Variants in MSRA observed in about 807,000 individuals in gnomAD.
MSRA encodes the protein mitochondrial peptide methionine sulfoxide reductase.
A neutral mutation model predicts 31.3 loss-of-function variants in MSRA; 54 were observed. That is an observed-to-expected ratio of 1.73 (90% CI 1.39 to 2.17). MSRA has a LOEUF of 2.17. MSRA is among the 30% of genes most tolerant of loss of function. MSRA has a pLI of 0.00. For synonymous variants in MSRA, 169 were observed against 116.5 expected, an observed-to-expected ratio of 1.45 and a Z score of -2.90; for missense variants, 507 against 300.9, an observed-to-expected ratio of 1.69 and a Z score of -5.07.
intron 5 of MSRA, among the ~76,000 whole-genome samples, chr8:10,330,768 A>G (rs1354970188): frequency 3.3e-5 from 5 of 151,870 alleles, no homozygotes; most frequent in Non-Finnish European, 7.4e-5. Context: ...TGTGCTTGGT[A>G]CCTAGTGATT....
intron 5 of MSRA, among the ~76,000 whole-genome samples, chr8:10,363,529 G>A (rs1474744955): frequency 1.3e-5 from 2 of 152,098 alleles, no homozygotes; most frequent in East Asian, 1.9e-4. Flanking sequence ...GTAGCATGAC[G>A]ATGTATATTC....
Position 10,266,401 on chromosome 8 carries a change from C to G in MSRA, c.331+21178C>G, listed in dbSNP as rs1014446607. 1.6e-4 allele frequency among the ~76,000 whole-genome samples: 25 copies of G among 152,260 alleles called. No homozygotes were observed. In the East Asian group the frequency reaches 4.8e-3, roughly 29 times the overall value. ...CATGTGTATGTCTTTCATAAATTGT[C>G]TGTTCAAATCTCTTATGTATGCTTT... On this transcript the variant is annotated intron_variant, in intron 3 of 5. Coordinates refer to ENST00000317173, the MANE Select transcript of MSRA (RefSeq NM_012331.5).
intron 1 of MSRA, among the ~76,000 whole-genome samples, chr8:10,069,385 G>T (rs1258498436): frequency 6.6e-6 from 1 of 152,176 alleles, no homozygotes; most frequent in Non-Finnish European, 1.5e-5. Flanking sequence ...TATGATATTA[G>T]CTCTGGATTT....
intron 1 of MSRA, among the ~76,000 whole-genome samples, chr8:10,060,305 TG>T (rs1802637099): frequency 6.6e-6 from 1 of 152,130 alleles, no homozygotes; most frequent in African/African-American, 2.4e-5. Flanking sequence ...TCTGTGTGAA[TG>T]GGTATGGAGG....
intron 1 of MSRA, among the ~76,000 whole-genome samples, chr8:10,086,877 GGAGAGA>G (rs1271288749): frequency 6.6e-6 from 1 of 150,380 alleles, no homozygotes; most frequent in Non-Finnish European, 1.5e-5. Flanking sequence ...GGAGGGAGAG[GGAGAGA>G]GAGAGGGAGA....
At chr8:10,146,384 G>C (rs1381851261) in intron 1 of MSRA, among the ~76,000 whole-genome samples, 1 of 152,194 alleles carries the variant, frequency 6.6e-6, no homozygotes, top group East Asian at 1.9e-4. Context: ...GTGAGCAAAA[G>C]CAGGGTGAGG....
At chr8:10,157,221 A>G (rs377127405) in intron 1 of MSRA, among the ~76,000 whole-genome samples, 2 of 152,048 alleles carry the variant, frequency 1.3e-5, no homozygotes, top group South Asian at 2.1e-4. Context: ...TCATGGTAGT[A>G]AAGATCTCGT....
intron 1 of MSRA, among the ~76,000 whole-genome samples, chr8:10,087,987 C>G (rs1798655404): frequency 1.3e-5 from 2 of 152,152 alleles, no homozygotes; most frequent in Admixed American, 1.3e-4. Flanking sequence ...TCAGTTAATG[C>G]AGGGGTGATC....
At chr8:10,405,998 A>C (rs1432283769) in intron 5 of MSRA, among the ~76,000 whole-genome samples, 1 of 152,248 alleles carries the variant, frequency 6.6e-6, no homozygotes, top group Non-Finnish European at 1.5e-5. Flanking sequence ...GCTATTCACC[A>C]TCTGTCCTCC....
intron 1 of MSRA, among the ~76,000 whole-genome samples, chr8:10,181,421 T>C (rs1437048049): frequency 6.8e-6 from 1 of 147,830 alleles, no homozygotes; most frequent in East Asian, 2.0e-4. Flanking sequence ...CCCTAAAACT[T>C]AAAGTATAAT....
At chr8:10,324,885 G>T (rs1802272591) in intron 5 of MSRA, among the ~76,000 whole-genome samples, 1 of 152,242 alleles carries the variant, frequency 6.6e-6, no homozygotes. Context: ...ATCAGTCATA[G>T]GTTGATTCTG....
intron 1 of MSRA, among the ~76,000 whole-genome samples, chr8:10,145,566 G>A (rs937140024): frequency 1.3e-5 from 2 of 152,152 alleles, no homozygotes; most frequent in African/African-American, 2.4e-5. Context: ...CTCCATCCAC[G>A]GGGCGGGTGG....
At chr8:10,333,462 T>C (rs888089454) in intron 5 of MSRA, among the ~76,000 whole-genome samples, 3 of 152,160 alleles carry the variant, frequency 2.0e-5, no homozygotes, top group African/African-American at 7.2e-5. Context: ...CCGCAAGTCT[T>C]TGGGCGGAGA....
At chr8:10,172,184 A>C (rs896145339) in intron 1 of MSRA, among the ~76,000 whole-genome samples, 2 of 152,190 alleles carry the variant, frequency 1.3e-5, no homozygotes, top group African/African-American at 4.8e-5. Flanking sequence ...GGACAAAGGC[A>C]GTGGGATCTG....
At chr8:10,217,464 C>T (rs1376039752) in intron 2 of MSRA, among the ~76,000 whole-genome samples, 1 of 152,198 alleles carries the variant, frequency 6.6e-6, no homozygotes, top group Non-Finnish European at 1.5e-5. Context: ...GACCAGCTGT[C>T]TTCTAGAAGA....
chr8:10,074,342 A>G (rs915030783), intron 1 of MSRA, among the ~76,000 whole-genome samples: 10 of 151,830 alleles, frequency 6.6e-5, no homozygotes, highest in Admixed American at 1.3e-4. Flanking sequence ...TCGGCCTCCC[A>G]AAGTGCTGGG....
intron 5 of MSRA, among the ~76,000 whole-genome samples, chr8:10,395,657 C>T (rs1807051011): frequency 6.6e-6 from 1 of 152,152 alleles, no homozygotes. Flanking sequence ...CATCACTCCT[C>T]TGTTTATAAT....
At chr8:10,067,228 ATAG>A (rs2128915928) in intron 1 of MSRA, among the ~76,000 whole-genome samples, 1 of 152,180 alleles carries the variant, frequency 6.6e-6, no homozygotes, top group Non-Finnish European at 1.5e-5. Flanking sequence ...TATTGTCTCC[ATAG>A]TCTTTGCTTT....
At chr8:10,219,805 C>CAAAAAAAAAAAAAAAAA (rs202000887) in intron 2 of MSRA, among the ~76,000 whole-genome samples, 10 of 46,074 alleles carry the variant, frequency 2.2e-4, no homozygotes, top group African/African-American at 1.5e-3. Context: ...GACTCTGTCT[C>CAAAAAAAAAAAAAAAAA]CAAAAAAAAA....
Sources: gnomAD v4.1 joint callset for allele counts (sites outside exome capture counted in the v4.1 genomes callset) on GRCh38, gnomAD v4.1.1 for gene constraint, MANE v1.5 for transcripts, NCBI Gene and HGNC (gene_info 2026-07-23, HGNC 2026-07-21) for gene names.